COX11: variants seen among roughly 807,000 people sequenced by gnomAD.
COX11 encodes cytochrome c oxidase copper chaperone COX11.
Under a neutral mutation model 29.4 loss-of-function variants are expected in COX11, and 18 were observed. That is an observed-to-expected ratio of 0.61 (90% CI 0.42 to 0.91). The LOEUF (loss-of-function observed/expected upper bound fraction) is 0.91. Ranked by LOEUF, COX11 falls within the 40% of genes least tolerant of loss-of-function variation. The pLI, the probability that COX11 is intolerant of heterozygous loss-of-function variation, is 0.00. For synonymous variants in COX11, 131 were observed against 124.0 expected, an observed-to-expected ratio of 1.06 and a Z score of -0.38; for missense variants, 312 against 346.0, an observed-to-expected ratio of 0.90 and a Z score of 0.78.
In COX11 at chr17:54,962,417, T is replaced by A; in HGVS notation, c.*316A>T. On this transcript the variant is annotated 3_prime_UTR_variant, in exon 4 of 4. Coordinates refer to ENST00000299335, the MANE Select transcript of COX11 (RefSeq NM_004375.5). ...CATTGCTGTAAGTATGAAGAGTTAATAATCTGGAAGGGAATTATGGAATTA... is the reference window on the plus strand; with the variant it reads ...CATTGCTGTAAGTATGAAGAGTTAAAAATCTGGAAGGGAATTATGGAATTA... 2.0e-6 allele frequency: 2 copies of A among 1,011,994 alleles called. No homozygotes were observed. The highest frequency in any genetic ancestry group is 2.4e-6 in the Non-Finnish European group (2 of 848,298). 62.7% of individuals were successfully genotyped at this position (1,011,994 alleles called of 1,614,324 possible). A position where few individuals can be genotyped will look rare whatever the true frequency, so the allele number is the denominator to read the frequency against.
intron 1 of COX11, among the ~76,000 whole-genome samples, chr17:54,965,853 T>A (rs1486412773): frequency 6.6e-6 from 1 of 151,882 alleles, no homozygotes. Context: ...AAAACGCCCT[T>A]ACTTCCAAGG....
upstream of COX11, chr17:54,968,775 G>T: frequency 8.9e-7 from 1 of 1,118,748 alleles, no homozygotes. Flanking sequence ...AGGTGGCAGC[G>T]CTTGCAGTCG....
chr17:54,962,067 A>C lies in COX11; in HGVS notation c.*666T>G. On this transcript the variant is annotated 3_prime_UTR_variant, in exon 4 of 4. Coordinates refer to ENST00000299335, the MANE Select transcript of COX11 (RefSeq NM_004375.5). ...TAACATTCATGGACTTGTAATGGTG[A>C]TGCTTTGGCTAACAGCCTAGTAGAT... is the stretch of plus-strand genomic sequence containing the variant. 1.0e-6 allele frequency: 1 copy of C among 983,116 alleles called. No individual in the cohort carries two copies. Among genetic ancestry groups the C allele is most frequent in the Non-Finnish European group, 1.2e-6 (1 of 827,844 alleles). 60.9% of individuals were successfully genotyped at this position (983,116 alleles called of 1,614,324 possible).
downstream of COX11, among the ~76,000 whole-genome samples, chr17:54,960,355 ACT>A (rs755399558): frequency 8.6e-5 from 13 of 152,040 alleles, no homozygotes; most frequent in Non-Finnish European, 1.5e-4. Flanking sequence ...AAAGAGTGAG[ACT>A]CTGTCTCAAA....
In COX11 at chr17:54,964,857, A is replaced by G; in HGVS notation, c.367-5T>C. 6.2e-7 allele frequency: 1 copy of G among 1,611,034 alleles called. No homozygotes were observed. Among genetic ancestry groups the G allele is most frequent in the Non-Finnish European group, 8.5e-7 (1 of 1,179,356 alleles). On this transcript the variant is annotated splice_region_variant and splice_polypyrimidine_tract_variant and intron_variant, in intron 1 of 3. Coordinates refer to ENST00000299335, the MANE Select transcript of COX11 (RefSeq NM_004375.5). ...TGATCCTCCAAGTCCAGTAGTCTAG[A>G]AAAAGATACCAAATATGTTAAACAA...
In COX11 at chr17:54,968,413, G is replaced by A. The variant is rs1443524826; in HGVS notation, c.234C>T (p.Asn78=). 1.2e-6 allele frequency: 2 copies of A among 1,613,354 alleles called. No homozygotes were observed. The highest frequency in any genetic ancestry group is 2.2e-5 in the East Asian group (1 of 44,852). ...LQPPRRPKSS[N]PFTRAQEEER... is the part of the protein sequence containing the mutation. ...CCTCCTCCTGCGCGCGTGTGAAAGG[G>A]TTCGAGCTCTTAGGCCGCCGCGGCG... Residue 78 remains asparagine, a synonymous_variant, in exon 1 of 4, where the codon AAC becomes AAT. Coordinates refer to ENST00000299335, the MANE Select transcript of COX11 (RefSeq NM_004375.5).
At position 54,963,266 on chromosome 17, in the gene COX11, T is replaced by G. The variant is rs115727381; in HGVS notation, c.648+40A>C. ...AAGTTTCATACTAAACCGTTTCATG[T>G]ATCTTTATCATATTCTGTAAAGTTT... On this transcript the variant is annotated intron_variant, in intron 3 of 3. Transcript: ENST00000299335. The G allele has an allele frequency of 3.0e-3, 4,787 of 1,581,078 alleles. 101 individuals carry two copies. The African/African-American group carries it at 0.051, about 17-fold the overall frequency.
In COX11 at chr17:54,961,167, G is replaced by A. The variant is rs1008719064; in HGVS notation, c.*1566C>T. On this transcript the variant is annotated 3_prime_UTR_variant, in exon 4 of 4. Coordinates refer to ENST00000299335, the MANE Select transcript of COX11 (RefSeq NM_004375.5). The stretch of plus-strand genomic sequence containing the variant: ...CTCCAGCTTCCCAGTAAAGACAAGA[G>A]AGTTATCAAGGAATGGGGAAAGAGA... The A allele has an allele frequency of 7.4e-6, 8 of 1,084,492 alleles. No individual in the cohort carries two copies. The African/African-American group carries it at 9.4e-5, about 13-fold the overall frequency. 67.2% of individuals were successfully genotyped at this position (1,084,492 alleles called of 1,614,324 possible). A position where few individuals can be genotyped will look rare whatever the true frequency, so the allele number is the denominator to read the frequency against.
intron 2 of COX11, among the ~76,000 whole-genome samples, chr17:54,964,212 GGA>G (rs1256175988): frequency 6.6e-6 from 1 of 152,120 alleles, no homozygotes; most frequent in Non-Finnish European, 1.5e-5. Flanking sequence ...CAGTCTCACT[GGA>G]GTATAACATA....
intron 1 of COX11, among the ~76,000 whole-genome samples, chr17:54,965,600 G>A (rs1429615224): frequency 6.6e-6 from 1 of 152,062 alleles, no homozygotes; most frequent in Non-Finnish European, 1.5e-5. Context: ...AAGCCACGGG[G>A]GGCGGATCAT....
chr17:54,967,194 T>C (rs1343857612), intron 1 of COX11, among the ~76,000 whole-genome samples: 2 of 152,226 alleles, frequency 1.3e-5, no homozygotes, highest in African/African-American at 4.8e-5. Flanking sequence ...TGGTTCCCAC[T>C]GTGGCCTTGT....
At chr17:54,960,258 G>A (rs936854408), downstream of COX11, among the ~76,000 whole-genome samples, 3 of 152,164 alleles carry the variant, frequency 2.0e-5, no homozygotes, top group African/African-American at 7.2e-5. Flanking sequence ...CCAGCTACTC[G>A]TGGGGCTGAG....
rs916003503 is a variant in COX11 at position 54,960,719 on chromosome 17, G to A, written c.*2014C>T. On this transcript the variant is annotated 3_prime_UTR_variant, in exon 4 of 4. Transcript: ENST00000299335. Reference sequence around the variant, plus strand: ...CATATTTAGTATTTAAATTTTCTAAGGGCCATCTGAGTCTGACACTTTGAA... The same window carrying A: ...CATATTTAGTATTTAAATTTTCTAAAGGCCATCTGAGTCTGACACTTTGAA... 1 of 997,654 alleles carries A rather than the reference G, an allele frequency of 1.0e-6. No homozygotes were observed. The highest frequency in any genetic ancestry group is 1.6e-5 in the African/African-American group (1 of 61,754). 61.8% of individuals were successfully genotyped at this position (997,654 alleles called of 1,614,324 possible). A position where few individuals can be genotyped will look rare whatever the true frequency, so the allele number is the denominator to read the frequency against.
downstream of COX11, among the ~76,000 whole-genome samples, chr17:54,956,141 C>T (rs1353701017): frequency 2.6e-5 from 4 of 152,160 alleles, no homozygotes; most frequent in Non-Finnish European, 4.4e-5. Context: ...TCCATGAGAA[C>T]ACAGGTTATT....
chr17:54,956,073 A>G (rs2049485441), downstream of COX11, among the ~76,000 whole-genome samples: 1 of 152,194 alleles, frequency 6.6e-6, no homozygotes, highest in South Asian at 2.1e-4. Context: ...CATCTGGGGT[A>G]CCAGACTTGT....
At chr17:54,958,417 TAAA>T (rs906157649), downstream of COX11, 1 of 152,114 alleles carries the variant, frequency 6.6e-6, no homozygotes, top group Non-Finnish European at 1.5e-5. Context: ...TCTTAGAACT[TAAA>T]TATGAAGCAG....
At chr17:54,968,768 T>A, upstream of COX11, 2 of 1,194,296 alleles carry the variant, frequency 1.7e-6, no homozygotes. Context: ...GCTCCTCAGG[T>A]GGCAGCGCTT....
At chr17:54,964,384 T>TAG (rs2077183502) in intron 2 of COX11, 1 of 284,250 alleles carries the variant, frequency 3.5e-6, no homozygotes, top group Non-Finnish European at 6.6e-6. Context: ...CAGGAAGCTA[T>TAG]ATAGCCTGAC....
chr17:54,964,912 T>C (rs943796720), intron 1 of COX11, 60 bp from the exon 2 acceptor site: 10 of 1,520,792 alleles, frequency 6.6e-6, no homozygotes, highest in Non-Finnish European at 9.0e-6. Flanking sequence ...TCTATTTATT[T>C]GATAAAAGTT....
Sources: gnomAD v4.1 joint callset for allele counts (sites outside exome capture counted in the v4.1 genomes callset) on GRCh38, gnomAD v4.1.1 for gene constraint, MANE v1.5 for transcripts, NCBI Gene and HGNC (gene_info 2026-07-23, HGNC 2026-07-21) for gene names.